Variants in JMJD1C observed in about 807,000 individuals in gnomAD.
The protein encoded by JMJD1C is jumonji domain-containing protein 1C.
Under a neutral mutation model 245.3 loss-of-function variants are expected in JMJD1C, and 31 were observed. The ratio of observed to expected loss-of-function variants is 0.13; its 90% confidence interval spans 0.09 to 0.17. The LOEUF (loss-of-function observed/expected upper bound fraction) is 0.17, where lower values mean the gene tolerates loss of function less well. JMJD1C is among the 10% of genes least tolerant of loss of function. The pLI is 1.00. For missense variants in JMJD1C, 2,691 were observed against 3,000.2 expected (o/e 0.90, Z 2.41); for synonymous variants, 1,057 against 1,017.4 (o/e 1.04, Z -0.74).
At chr10:63,280,498 C>T (rs1353600019) in intron 2 of JMJD1C, among the ~76,000 whole-genome samples, 2 of 151,638 alleles carry the variant, frequency 1.3e-5, no homozygotes, top group East Asian at 1.9e-4. Flanking sequence ...TGCAGTGGGG[C>T]GAGATGGCAT....
rs867241742 is a variant in JMJD1C, at chr10:63,357,456, C to T, written c.333+22862G>A. On this transcript the variant is annotated intron_variant, in intron 2 of 25. Coordinates refer to ENST00000399262, the MANE Select transcript of JMJD1C (RefSeq NM_032776.3). ...CAGTAGCTGGGATTACAGGTGTGCG[C>T]CACCACACCTGGTTAATTTTTGTAT... Among the ~76,000 whole-genome samples, 23 of 152,110 alleles carry T rather than the reference C, an allele frequency of 1.5e-4. 1 individual carries two copies. In the Middle Eastern group the frequency reaches 0.01, roughly 67 times the overall value.
At chr10:63,429,198 C>CA (rs1279084682) in intron 1 of JMJD1C, among the ~76,000 whole-genome samples, 9 of 152,138 alleles carry the variant, frequency 5.9e-5, no homozygotes, top group African/African-American at 2.2e-4. Context: ...AGGCTGGTCT[C>CA]AAACTCCTGA....
At chr10:63,419,067 A>G (rs1949963925) in intron 1 of JMJD1C, among the ~76,000 whole-genome samples, 1 of 136,232 alleles carries the variant, frequency 7.3e-6, no homozygotes. Flanking sequence ...ACAGAGTGAG[A>G]CTCCATCTCA....
At chr10:63,382,056 C>A (rs1457389532) in intron 1 of JMJD1C, among the ~76,000 whole-genome samples, 1 of 151,936 alleles carries the variant, frequency 6.6e-6, no homozygotes, top group Non-Finnish European at 1.5e-5. Flanking sequence ...ACCAAAAATA[C>A]AAAAATTAGC....
At chr10:63,252,769 T>G (rs967235500) in intron 3 of JMJD1C, among the ~76,000 whole-genome samples, 1 of 152,196 alleles carries the variant, frequency 6.6e-6, no homozygotes, top group African/African-American at 2.4e-5. Context: ...CCCCATCAGC[T>G]GATTCTATAC....
intron 1 of JMJD1C, among the ~76,000 whole-genome samples, chr10:63,490,245 C>G (rs187581818): frequency 6.6e-6 from 1 of 152,128 alleles, no homozygotes; most frequent in African/African-American, 2.4e-5. Context: ...CTTTCCCAGA[C>G]TCTTGACCTA....
intron 1 of JMJD1C, among the ~76,000 whole-genome samples, chr10:63,459,935 CTAT>C (rs1440768429): frequency 3.9e-5 from 6 of 152,174 alleles, no homozygotes; most frequent in Non-Finnish European, 5.9e-5. Context: ...CGTGTCAATA[CTAT>C]TAACCTCTCT....
At chr10:63,177,932 A>G (rs1303141435) in intron 22 of JMJD1C, 76 bp from the exon 23 acceptor site, 18 of 1,451,010 alleles carry the variant, frequency 1.2e-5, no homozygotes, top group African/African-American at 2.8e-5. Context: ...TTGATCTATC[A>G]GAGCAGCAGA....
chr10:63,254,075 T>C (rs1028500312), intron 3 of JMJD1C, among the ~76,000 whole-genome samples: 3 of 152,184 alleles, frequency 2.0e-5, no homozygotes, highest in African/African-American at 7.2e-5. Flanking sequence ...ACTTGAATTT[T>C]AGAGACAACT....
intron 3 of JMJD1C, among the ~76,000 whole-genome samples, chr10:63,230,769 T>TC (rs562461451): frequency 0.035 from 4,805 of 136,702 alleles, 88 homozygotes; most frequent in East Asian, 0.071. Flanking sequence ...AGTGAGACTG[T>TC]CCCCCCCCCC....
intron 1 of JMJD1C, among the ~76,000 whole-genome samples, chr10:63,497,348 T>C (rs957996461): frequency 6.6e-6 from 1 of 152,212 alleles, no homozygotes; most frequent in Non-Finnish European, 1.5e-5. Flanking sequence ...TAAAATGAAG[T>C]ACCAATAAAT....
At chr10:63,182,279 G>C (rs561341535) in intron 22 of JMJD1C, among the ~76,000 whole-genome samples, 2 of 152,356 alleles carry the variant, frequency 1.3e-5, no homozygotes, top group South Asian at 4.1e-4. Context: ...AGAATCAGAA[G>C]TGGTATCACA....
Position 63,219,818 on chromosome 10 carries a change from A to C in JMJD1C, c.553+60T>G, listed in dbSNP as rs1175579452. 1.5e-5 allele frequency: 18 copies of C among 1,188,996 alleles called. No individual in the cohort carries two copies. In the Admixed American group the frequency reaches 2.4e-4, roughly 16 times the overall value. 73.7% of individuals were successfully genotyped at this position (1,188,996 alleles called of 1,614,324 possible). A position where few individuals can be genotyped will look rare whatever the true frequency, so the allele number is the denominator to read the frequency against. On this transcript the variant is annotated intron_variant, in intron 4 of 25. Coordinates refer to ENST00000399262, the MANE Select transcript of JMJD1C (RefSeq NM_032776.3). The stretch of plus-strand genomic sequence containing the variant: ...ATTGCACACAATTGAATAACCAAAA[A>C]CAAATATGATAAGTTGCCTAGATCC...
At chr10:63,437,645 T>C (rs1358676859) in intron 1 of JMJD1C, among the ~76,000 whole-genome samples, 2 of 152,174 alleles carry the variant, frequency 1.3e-5, no homozygotes, top group Admixed American at 6.5e-5. Context: ...CATTTCTCTT[T>C]TTCCCAAATG....
chr10:63,293,504 T>G (rs1366280412), intron 2 of JMJD1C, among the ~76,000 whole-genome samples: 1 of 152,190 alleles, frequency 6.6e-6, no homozygotes, highest in Non-Finnish European at 1.5e-5. Context: ...AATATTTGTT[T>G]TTCCTTCTTT....
intron 1 of JMJD1C, among the ~76,000 whole-genome samples, chr10:63,484,965 A>G (rs1366645180): frequency 6.6e-6 from 1 of 151,950 alleles, no homozygotes; most frequent in Non-Finnish European, 1.5e-5. Flanking sequence ...CCCCTCCCCT[A>G]ATTCACTGGA....
intron 1 of JMJD1C, among the ~76,000 whole-genome samples, chr10:63,484,394 C>G (rs1159226290): frequency 1.3e-5 from 2 of 152,142 alleles, no homozygotes; most frequent in Non-Finnish European, 2.9e-5. Flanking sequence ...TACTGCTTTC[C>G]TCATTGAATA....
intron 1 of JMJD1C, among the ~76,000 whole-genome samples, chr10:63,476,531 T>C (rs1472794813): frequency 2.0e-5 from 3 of 152,022 alleles, no homozygotes; most frequent in Admixed American, 6.6e-5. Context: ...AAGACCAGCC[T>C]GGGCAACACA....
chr10:63,392,569 G>A (rs902566594), intron 1 of JMJD1C, among the ~76,000 whole-genome samples: 1 of 152,072 alleles, frequency 6.6e-6, no homozygotes, highest in Non-Finnish European at 1.5e-5. Flanking sequence ...GCTCATGCCT[G>A]TAATCCCAGA....
Sources: gnomAD v4.1 joint callset for allele counts (sites outside exome capture counted in the v4.1 genomes callset) on GRCh38, gnomAD v4.1.1 for gene constraint, MANE v1.5 for transcripts, NCBI Gene and HGNC (gene_info 2026-07-23, HGNC 2026-07-21) for gene names.